ELMO1: variants seen among roughly 807,000 people sequenced by gnomAD.
The protein encoded by ELMO1 is engulfment and cell motility protein 1.
A neutral mutation model predicts 98.9 loss-of-function variants in ELMO1; 26 were observed. That is an observed-to-expected ratio of 0.26 (90% confidence interval 0.19 to 0.36). The LOEUF is 0.36. Among genes scored for constraint, ELMO1 ranks in the 10% least tolerant of loss-of-function variants. The probability of loss-of-function intolerance (pLI) is 1.00; values close to 1 mark genes in which losing one functional copy is unlikely to be tolerated. For synonymous variants in ELMO1, 346 were observed against 346.0 expected (o/e 1.00, Z 0.00); for missense variants, 627 against 935.2 (o/e 0.67, Z 4.30).
chr7:37,288,890 C>T (rs982651180), intron 4 of ELMO1, among the ~76,000 whole-genome samples: 14 of 152,220 alleles, frequency 9.2e-5, no homozygotes, highest in African/African-American at 2.9e-4. Context: ...TATGGCCAAG[C>T]ACTTAGCAGG....
At chr7:37,254,126 C>G (rs1490695818) in intron 6 of ELMO1, among the ~76,000 whole-genome samples, 3 of 152,124 alleles carry the variant, frequency 2.0e-5, no homozygotes, top group Non-Finnish European at 4.4e-5. Context: ...GATGCAGGAC[C>G]AGCAGAAGGA....
rs891206132 is a variant in ELMO1, at chr7:37,276,452, C to CA, written c.193-4571dup. ...TGAAACCCCATCTCTACCAAAAATA[C>CA]AAAAAAAAATTAGCCGGGCGTGGTG... On this transcript the variant is annotated intron_variant, in intron 4 of 21. Coordinates refer to ENST00000310758, the MANE Select transcript of ELMO1 (RefSeq NM_014800.11). Among the ~76,000 whole-genome samples, 4 of 150,724 alleles carry CA rather than the reference C, an allele frequency of 2.7e-5. No individual in the cohort carries two copies. The East Asian group carries it at 5.8e-4, about 22-fold the overall frequency.
chr7:36,877,667 TG>T (rs761473974), intron 19 of ELMO1, among the ~76,000 whole-genome samples: 1 of 152,208 alleles, frequency 6.6e-6, no homozygotes, highest in Non-Finnish European at 1.5e-5. Flanking sequence ...GAAATTATTT[TG>T]GGTTTTCAGA....
chr7:36,888,691 T>C (rs1218840551), intron 17 of ELMO1, among the ~76,000 whole-genome samples: 1 of 152,232 alleles, frequency 6.6e-6, no homozygotes, highest in African/African-American at 2.4e-5. Flanking sequence ...ACAACTGAAT[T>C]TGCTTTGGTG....
At chr7:36,859,360 A>G (rs926240025) in intron 21 of ELMO1, among the ~76,000 whole-genome samples, 8 of 152,238 alleles carry the variant, frequency 5.3e-5, no homozygotes, top group Non-Finnish European at 1.2e-4. Flanking sequence ...AAATGCATAC[A>G]GGAACATTTA....
At chr7:37,406,320 G>T (rs1278352392) in intron 1 of ELMO1, among the ~76,000 whole-genome samples, 3 of 149,758 alleles carry the variant, frequency 2.0e-5, no homozygotes, top group African/African-American at 4.9e-5. Context: ...AAATATGAAA[G>T]ATTTCCATTG....
chr7:37,306,411 A>C (rs1289148967), intron 4 of ELMO1, among the ~76,000 whole-genome samples: 1 of 152,242 alleles, frequency 6.6e-6, no homozygotes, highest in Non-Finnish European at 1.5e-5. Flanking sequence ...GTTGGACTTC[A>C]TTCTCTGTTG....
At chr7:37,046,602 C>A (rs1035113627) in intron 15 of ELMO1, among the ~76,000 whole-genome samples, 1 of 151,936 alleles carries the variant, frequency 6.6e-6, no homozygotes, top group Non-Finnish European at 1.5e-5. Context: ...ATGATGAAAA[C>A]AAAACAAAAC....
chr7:37,361,852 C>T (rs1334055294), intron 1 of ELMO1, among the ~76,000 whole-genome samples: 1 of 152,156 alleles, frequency 6.6e-6, no homozygotes, highest in Non-Finnish European at 1.5e-5. Context: ...GTCCCACCTA[C>T]TTGGGAGGCT....
chr7:37,140,460 G>A (rs1325970041), intron 13 of ELMO1, among the ~76,000 whole-genome samples: 1 of 151,512 alleles, frequency 6.6e-6, no homozygotes, highest in Non-Finnish European at 1.5e-5. Context: ...AACCCCTCTA[G>A]CCATTGGCTT....
intron 15 of ELMO1, among the ~76,000 whole-genome samples, chr7:37,023,428 G>A (rs928798240): frequency 1.1e-4 from 17 of 152,088 alleles, no homozygotes; most frequent in African/African-American, 4.1e-4. Flanking sequence ...TAGAAATAGG[G>A]ATTGACATTT....
At chr7:37,123,445 T>C (rs1198198902) in intron 14 of ELMO1, among the ~76,000 whole-genome samples, 1 of 152,076 alleles carries the variant, frequency 6.6e-6, no homozygotes, top group Non-Finnish European at 1.5e-5. Flanking sequence ...TAAAAAATGA[T>C]AAAGGGGGTA....
intron 11 of ELMO1, among the ~76,000 whole-genome samples, 196 bp from the exon 12 acceptor site, chr7:37,213,653 G>A (rs6462742): frequency 5.9e-5 from 9 of 151,850 alleles, no homozygotes; most frequent in African/African-American, 2.2e-4. Context: ...CAGGTCACAG[G>A]CCATGAAAAA....
At chr7:37,154,940 G>A (rs1469849075) in intron 13 of ELMO1, among the ~76,000 whole-genome samples, 1 of 152,226 alleles carries the variant, frequency 6.6e-6, no homozygotes, top group Non-Finnish European at 1.5e-5. Flanking sequence ...ACAAAGGGAA[G>A]CCCATCAGAC....
At chr7:36,876,453 C>CT (rs921816415) in intron 19 of ELMO1, among the ~76,000 whole-genome samples, 2 of 149,278 alleles carry the variant, frequency 1.3e-5, no homozygotes, top group Non-Finnish European at 3.0e-5. Context: ...TTTACTTAAA[C>CT]TTTTTGTTTT....
chr7:37,224,132 G>A lies in ELMO1; in HGVS notation c.701+747C>T, dbSNP rs530993027. ...GGATTCTACAAAGTACCCCAGTATT[G>A]TTCCAATAACCTCCTTTCCTGTGTA... is the stretch of plus-strand genomic sequence containing the variant. On this transcript the variant is annotated intron_variant, in intron 9 of 21. Coordinates refer to ENST00000310758, the MANE Select transcript of ELMO1 (RefSeq NM_014800.11). Among the ~76,000 whole-genome samples, 3 of 152,322 alleles carry A rather than the reference G, an allele frequency of 2.0e-5. No individual in the cohort carries two copies. In the South Asian group the frequency reaches 6.2e-4, roughly 32 times the overall value.
chr7:36,945,216 C>A (rs1351232695), intron 16 of ELMO1, among the ~76,000 whole-genome samples: 1 of 152,154 alleles, frequency 6.6e-6, no homozygotes, highest in African/African-American at 2.4e-5. Flanking sequence ...TTTCTCAAAG[C>A]CTTTGTAGGA....
chr7:37,022,043 T>C (rs1389701692), intron 15 of ELMO1, among the ~76,000 whole-genome samples: 1 of 152,176 alleles, frequency 6.6e-6, no homozygotes, highest in Non-Finnish European at 1.5e-5. Flanking sequence ...TTGGGCCAGT[T>C]GTATATGCAT....
At chr7:37,442,219 C>T (rs1205607525) in intron 1 of ELMO1, among the ~76,000 whole-genome samples, 1 of 152,176 alleles carries the variant, frequency 6.6e-6, no homozygotes, top group East Asian at 1.9e-4. Context: ...GTCAATAGCA[C>T]TGAGGCTGAC....
Sources: allele counts gnomAD v4.1 joint callset (sites outside exome capture counted in the v4.1 genomes callset), GRCh38; gene constraint gnomAD v4.1.1; transcripts MANE v1.5; gene names NCBI Gene and HGNC (gene_info 2026-07-23, HGNC 2026-07-21).